The following HYCC1 variants were observed in gnomAD, a reference collection of about 807,000 sequenced individuals.
HYCC1 encodes the protein hyccin.
At chr7:22,966,573 C>A in the HYCC1 span, among the ~76,000 whole-genome samples, 1 of 152,160 alleles carries the variant, frequency 6.6e-6, no homozygotes, top group Non-Finnish European at 1.5e-5. Flanking sequence ...GATGCTTTCA[C>A]ATAATATTCT....
At chr7:22,899,790 C>A in the HYCC1 span, among the ~76,000 whole-genome samples, 3 of 151,992 alleles carry the variant, frequency 2.0e-5, no homozygotes, top group Non-Finnish European at 4.4e-5. Context: ...ATGACAACTA[C>A]CTTCTTTTTA....
At chr7:22,914,302 C>T in the HYCC1 span, among the ~76,000 whole-genome samples, 1 of 151,832 alleles carries the variant, frequency 6.6e-6, no homozygotes, top group Non-Finnish European at 1.5e-5. Context: ...CATTGCAGCC[C>T]AGGGCTGCTC....
the HYCC1 span, chr7:22,936,291 A>C: frequency 2.0e-5 from 3 of 152,150 alleles, no homozygotes; most frequent in African/African-American, 7.2e-5. Context: ...CAGATGTTGT[A>C]TCTTAGGATG....
At chr7:22,961,942 A>T in the HYCC1 span, among the ~76,000 whole-genome samples, 1 of 152,126 alleles carries the variant, frequency 6.6e-6, no homozygotes, top group Non-Finnish European at 1.5e-5. Context: ...CAGCTAAATT[A>T]CAAAAATGAA....
chr7:22,955,627 TA>T, the HYCC1 span, among the ~76,000 whole-genome samples: 2 of 151,656 alleles, frequency 1.3e-5, no homozygotes, highest in Admixed American at 1.3e-4. Context: ...GATAATTTCT[TA>T]AAAAGTGGAA....
chr7:22,929,228 C>G, the HYCC1 span, among the ~76,000 whole-genome samples: 4 of 152,110 alleles, frequency 2.6e-5, no homozygotes, highest in African/African-American at 9.7e-5. Flanking sequence ...GACCTAAAAC[C>G]ACAAAAACCC....
the HYCC1 span, among the ~76,000 whole-genome samples, chr7:22,966,290 GT>G: frequency 5.3e-3 from 805 of 151,974 alleles, 4 homozygotes; most frequent in Non-Finnish European, 6.5e-3. Flanking sequence ...TTGTTTGTTT[GT>G]TTTTTGTTTT....
the HYCC1 span, chr7:22,943,553 T>A: frequency 6.6e-6 from 1 of 152,292 alleles, no homozygotes; most frequent in Non-Finnish European, 1.5e-5. Context: ...CATGAAAATC[T>A]GATCTCTCAG....
chr7:23,003,106 G>A, the HYCC1 span, among the ~76,000 whole-genome samples: 1 of 152,082 alleles, frequency 6.6e-6, no homozygotes, highest in South Asian at 2.1e-4. Context: ...TGAGGTACTG[G>A]GGGTTAGGCC....
At chr7:22,908,567 T>TC in the HYCC1 span, among the ~76,000 whole-genome samples, 1 of 152,144 alleles carries the variant, frequency 6.6e-6, no homozygotes, top group African/African-American at 2.4e-5. Flanking sequence ...TTGCATTTAC[T>TC]CCCCCTCCAT....
At chr7:22,899,682 T>A in the HYCC1 span, among the ~76,000 whole-genome samples, 1 of 152,242 alleles carries the variant, frequency 6.6e-6, no homozygotes, top group Non-Finnish European at 1.5e-5. Flanking sequence ...TTTTTTTCTC[T>A]AGTTATGAAT....
chr7:22,952,786 T>G, the HYCC1 span, among the ~76,000 whole-genome samples: 1 of 151,846 alleles, frequency 6.6e-6, no homozygotes, highest in Non-Finnish European at 1.5e-5. Context: ...CAAGGCAGAT[T>G]AGAGGAAAAC....
At chr7:22,977,202 T>C in the HYCC1 span, 7 of 666,950 alleles carry the variant, frequency 1.0e-5, no homozygotes, top group African/African-American at 3.6e-5. Flanking sequence ...AATTTGGAAA[T>C]AGTAAATACT....
chr7:22,989,319 CACACAA>C, the HYCC1 span, among the ~76,000 whole-genome samples: 2 of 115,304 alleles, frequency 1.7e-5, no homozygotes, highest in African/African-American at 6.3e-5. Flanking sequence ...CACACACACA[CACACAA>C]GATTTAATCA....
chr7:22,929,156 G>T, the HYCC1 span, among the ~76,000 whole-genome samples: 1 of 152,150 alleles, frequency 6.6e-6, no homozygotes, highest in African/African-American at 2.4e-5. Context: ...AGCTGAAACT[G>T]GACCCCTTCC....
the HYCC1 span, among the ~76,000 whole-genome samples, chr7:22,959,148 G>A: frequency 1.3e-5 from 2 of 152,070 alleles, no homozygotes; most frequent in Admixed American, 6.6e-5. Flanking sequence ...AAACATCACC[G>A]CCTCTTTTAT....
At chr7:22,958,416 T>C in the HYCC1 span, among the ~76,000 whole-genome samples, 3 of 152,128 alleles carry the variant, frequency 2.0e-5, no homozygotes, top group Non-Finnish European at 4.4e-5. Context: ...TTATAGTTCA[T>C]TCACTTCTAT....
At chr7:22,910,719 G>A in the HYCC1 span, among the ~76,000 whole-genome samples, 1 of 152,090 alleles carries the variant, frequency 6.6e-6, no homozygotes, top group Admixed American at 6.5e-5. Flanking sequence ...ATCATAAGCA[G>A]ATCTATTTTA....
chr7:22,923,934 A>T, the HYCC1 span, among the ~76,000 whole-genome samples: 129 of 150,522 alleles, frequency 8.6e-4, no homozygotes, highest in African/African-American at 2.9e-3. Context: ...AGGCAGGCAG[A>T]TCACTTGAGG....
Sources: gnomAD v4.1 joint callset for allele counts (sites outside exome capture counted in the v4.1 genomes callset) on GRCh38, gnomAD v4.1.1 for gene constraint, MANE v1.5 for transcripts, NCBI Gene and HGNC (gene_info 2026-07-23, HGNC 2026-07-21) for gene names.